Variants in STOX1 observed in about 807,000 individuals in gnomAD.
STOX1 encodes storkhead box 1.
A neutral mutation model predicts 74.8 loss-of-function variants in STOX1; 57 were observed. The observed-to-expected ratio is 0.76, with a 90% CI of 0.62 to 0.95. The LOEUF (loss-of-function observed/expected upper bound fraction) is 0.95, where lower values mean the gene tolerates loss of function less well. STOX1 is among the 40% of genes least tolerant of loss of function. The probability of loss-of-function intolerance (pLI) is 0.00; values close to 1 mark genes in which losing one functional copy is unlikely to be tolerated. For synonymous variants in STOX1, 375 were observed against 401.3 expected, an observed-to-expected ratio of 0.93 and a Z score of 0.78; for missense variants, 1,010 against 1,117.0, an observed-to-expected ratio of 0.90 and a Z score of 1.37.
intron 1 of STOX1, among the ~76,000 whole-genome samples, chr10:68,832,672 A>AG (rs1839440371): frequency 5.1e-5 from 5 of 98,066 alleles, no homozygotes; most frequent in Middle Eastern, 5.0e-3. Flanking sequence ...AAAAAAAAAA[A>AG]AAAAAGAAAG....
intron 1 of STOX1, among the ~76,000 whole-genome samples, chr10:68,881,495 CACTTT>C (rs1202289761): frequency 6.6e-6 from 1 of 152,160 alleles, no homozygotes; most frequent in Non-Finnish European, 1.5e-5. Context: ...CTATTTCTGT[CACTTT>C]ACTTGCTTTT....
chr10:68,841,240 C>T (rs575933492), intron 1 of STOX1, among the ~76,000 whole-genome samples: 3 of 152,076 alleles, frequency 2.0e-5, no homozygotes, highest in African/African-American at 4.8e-5. Context: ...CCACCATGCC[C>T]GGCCTGTTTT....
chr10:68,878,427 A>G (rs1323958241), intron 1 of STOX1, among the ~76,000 whole-genome samples: 1 of 152,204 alleles, frequency 6.6e-6, no homozygotes, highest in African/African-American at 2.4e-5. Context: ...ACAGATTTTC[A>G]GGACATCATC....
intron 2 of STOX1, 42 bp from the exon 3 acceptor site, chr10:68,884,218 T>C (rs1035331701): frequency 3.2e-6 from 5 of 1,583,694 alleles, no homozygotes; most frequent in Non-Finnish European, 4.3e-6. Context: ...ATTAAAATTT[T>C]TCTTATTCAA....
At chr10:68,841,555 TA>T (rs1182754580) in intron 1 of STOX1, among the ~76,000 whole-genome samples, 5 of 152,278 alleles carry the variant, frequency 3.3e-5, no homozygotes, top group Non-Finnish European at 4.4e-5. Context: ...CTTAAGTCAT[TA>T]AAAAAATCCA....
intron 1 of STOX1, among the ~76,000 whole-genome samples, chr10:68,854,398 G>A (rs1720774992): frequency 6.6e-6 from 1 of 152,000 alleles, no homozygotes; most frequent in South Asian, 2.1e-4. Context: ...CTGGGCTCAG[G>A]TGATCCTCCC....
chr10:68,832,970 A>G (rs1312344339), intron 1 of STOX1, among the ~76,000 whole-genome samples: 5 of 150,448 alleles, frequency 3.3e-5, no homozygotes, highest in East Asian at 2.0e-4. Flanking sequence ...CTTGCTCGCT[A>G]TGTTATCCAT....
intron 1 of STOX1, among the ~76,000 whole-genome samples, chr10:68,861,851 A>G (rs986087451): frequency 6.6e-6 from 1 of 152,078 alleles, no homozygotes; most frequent in Non-Finnish European, 1.5e-5. Flanking sequence ...TCCAAAGACA[A>G]AGTTTGTAGA....
intron 1 of STOX1, among the ~76,000 whole-genome samples, chr10:68,873,695 C>T (rs112703503): frequency 4.1e-5 from 5 of 122,782 alleles, no homozygotes; most frequent in African/African-American, 1.6e-4. Flanking sequence ...CTCGCTTTGT[C>T]GCCCAGGCTG....
At chr10:68,893,085 A>G (rs1841135015), downstream of STOX1, 2 of 241,012 alleles carry the variant, frequency 8.3e-6, no homozygotes, top group South Asian at 1.0e-4. Context: ...TTTTTTTTTA[A>G]CCTACACTAA....
intron 1 of STOX1, among the ~76,000 whole-genome samples, chr10:68,868,939 G>T (rs1057273077): frequency 6.6e-6 from 1 of 152,164 alleles, no homozygotes; most frequent in Non-Finnish European, 1.5e-5. Flanking sequence ...AAGAGCTGAG[G>T]TCACTAATTA....
chr10:68,889,985 C>G (rs544742798), intron 3 of STOX1, among the ~76,000 whole-genome samples: 70 of 150,524 alleles, frequency 4.7e-4, no homozygotes, highest in Non-Finnish European at 9.4e-4. Flanking sequence ...GATGAGGTTT[C>G]ACCATGTTGG....
At position 68,827,651 on chromosome 10, in the gene STOX1, G is replaced by A. The variant is rs1839291968; in HGVS notation, c.28G>A (p.Gly10Ser). ...GGCCCGGCCCGTGCAGCTGGCGCCG[G>A]GCTCGCTGGCGCTAGTGCTGTGCCG... MARPVQLAP[G>S]SLALVLCRLE... Residue 10 changes from glycine (G) to serine (S), a missense_variant, in exon 1 of 4, where the codon GGC (glycine) becomes AGC (serine). Gly to Ser is a moderately conservative substitution (Grantham distance 56). Transcript: ENST00000298596. 4 of 1,143,340 alleles carry A rather than the reference G, an allele frequency of 3.5e-6. No individual in the cohort carries two copies. The East Asian group carries it at 1.3e-4, about 38-fold the overall frequency. The allele number at this position is 1,143,340 out of a possible 1,614,324, so 70.8% of individuals were successfully genotyped here. A position where few individuals can be genotyped will look rare whatever the true frequency, so the allele number is the denominator to read the frequency against.
chr10:68,872,662 T>C (rs896999954), intron 1 of STOX1, among the ~76,000 whole-genome samples: 1 of 152,258 alleles, frequency 6.6e-6, no homozygotes, highest in African/African-American at 2.4e-5. Flanking sequence ...TTCATTTTTT[T>C]CTAGAATTTA....
intron 1 of STOX1, among the ~76,000 whole-genome samples, chr10:68,866,881 C>T (rs1840420149): frequency 1.3e-5 from 2 of 151,890 alleles, no homozygotes; most frequent in South Asian, 4.2e-4. Flanking sequence ...CATGGCATTT[C>T]CCGAAATCGG....
intron 1 of STOX1, among the ~76,000 whole-genome samples, chr10:68,878,774 A>G (rs1027400011): frequency 1.3e-5 from 2 of 152,176 alleles, no homozygotes; most frequent in Admixed American, 6.5e-5. Context: ...CTGGCCCCTC[A>G]ACAACCAGTA....
At position 68,892,599 on chromosome 10, in the gene STOX1, C is replaced by T; in HGVS notation, c.2833C>T (p.Leu945=). The T allele has an allele frequency of 6.2e-7, 1 of 1,613,526 alleles. No individual in the cohort carries two copies. Among genetic ancestry groups the T allele is most frequent in the South Asian group, 1.1e-5 (1 of 91,064 alleles). Residue 945 remains leucine (L), a synonymous_variant, in exon 4 of 4, where the codon CTG becomes TTG. Coordinates refer to ENST00000298596, the MANE Select transcript of STOX1 (RefSeq NM_152709.5). ...TTTTAATATCTTTAGGACACAGAGT[C>T]TGGGATCTAATAATTCAGTCATTTT... The part of the protein sequence containing the change: ...SGIDSPRTQS[L]GSNNSVILDG...
chr10:68,868,827 G>T (rs1015535575), intron 1 of STOX1, among the ~76,000 whole-genome samples: 2 of 152,204 alleles, frequency 1.3e-5, no homozygotes, highest in Non-Finnish European at 2.9e-5. Context: ...GTTAAAAAGC[G>T]CTGATATCAG....
intron 3 of STOX1, among the ~76,000 whole-genome samples, chr10:68,889,057 T>G (rs1196404736): frequency 6.6e-6 from 1 of 152,142 alleles, no homozygotes; most frequent in African/African-American, 2.4e-5. Context: ...CATAGCTCAC[T>G]GCAGCCTAGG....
Sources: allele counts gnomAD v4.1 joint callset (sites outside exome capture counted in the v4.1 genomes callset), GRCh38; gene constraint gnomAD v4.1.1; transcripts MANE v1.5; gene names NCBI Gene and HGNC (gene_info 2026-07-23, HGNC 2026-07-21).